Variants in PCSK4 observed in about 807,000 individuals in gnomAD.
PCSK4 encodes the protein testicular tissue protein Li 135.
PCSK4 carries 64 observed loss-of-function variants against 80.3 expected under a neutral mutation model. That is an observed-to-expected ratio of 0.80 (90% CI 0.65 to 0.98). The LOEUF (loss-of-function observed/expected upper bound fraction) is 0.98, where lower values mean the gene tolerates loss of function less well. PCSK4 is among the 50% of genes least tolerant of loss of function. PCSK4 has a pLI of 0.00. For missense variants in PCSK4, 1,213 were observed against 1,093.6 expected (o/e 1.11, Z -1.54); for synonymous variants, 561 against 487.6 (o/e 1.15, Z -1.98).
chr19:1,482,449 G>A (rs1387123422), exon 14 of PCSK4: 2 of 1,607,144 alleles, frequency 1.2e-6, no homozygotes, highest in Non-Finnish European at 1.7e-6. Context: ...GTCCCATAGA[G>A]CAGCAGCGTG....
exon 2 of PCSK4, chr19:1,489,861 G>A (rs750457797): frequency 1.9e-6 from 3 of 1,610,046 alleles, no homozygotes; most frequent in Non-Finnish European, 2.5e-6. Context: ...ACCACGCCCC[G>A]GTGCCGCAGG....
intron 14 of PCSK4, 64 bp from the exon 15 acceptor site, chr19:1,482,271 C>T (rs993751981): frequency 1.1e-4 from 164 of 1,527,582 alleles, no homozygotes; most frequent in Middle Eastern, 2.3e-4. Context: ...ACTCGCCACC[C>T]GCCCGCCTGG....
At chr19:1,486,288 T>TATTG (rs537336632) in intron 8 of PCSK4, among the ~76,000 whole-genome samples, 95 of 149,766 alleles carry the variant, frequency 6.3e-4, no homozygotes, top group Non-Finnish European at 1.0e-3. Flanking sequence ...GGATTTGGGT[T>TATTG]ATTGATTGAT....
In PCSK4 at chr19:1,482,800, C is replaced by T; in HGVS notation, c.1696+96G>A. The T allele has an allele frequency of 3.0e-6, 4 of 1,344,776 alleles. No homozygotes were observed. In the South Asian group the frequency reaches 3.7e-5, roughly 12 times the overall value. The allele number at this position is 1,344,776 out of a possible 1,614,324, so 83.3% of individuals were successfully genotyped here. A position where few individuals can be genotyped will look rare whatever the true frequency, so the allele number is the denominator to read the frequency against. Reference sequence around the variant, plus strand: ...TCTCTTGGAGAAGGCCACTGGGAACCCCTTTTGCAGTGCGGTCACCAAGGC... The same window carrying T: ...TCTCTTGGAGAAGGCCACTGGGAACTCCTTTTGCAGTGCGGTCACCAAGGC... On this transcript the variant is annotated intron_variant, in intron 13 of 14. Coordinates refer to ENST00000300954, the Ensembl canonical transcript of PCSK4.
At position 1,482,078 on chromosome 19, in the gene PCSK4, G is replaced by A. The variant is rs1267844000; in HGVS notation, c.1949C>T (p.Ser650Phe). The change falls in exon 15 of 15, where the codon TCC (serine) becomes TTC (phenylalanine). Residue 650 changes from serine to phenylalanine, a missense_variant. Coordinates refer to ENST00000300954, the Ensembl canonical transcript of PCSK4. ...GGTGTAGCAGGAGGCATGGCAGCTGGAGCAGACCCTCAGCGCGGGCGCCGC... is the reference window on the plus strand; with the variant it reads ...GGTGTAGCAGGAGGCATGGCAGCTGAAGCAGACCCTCAGCGCGGGCGCCGC... 1.7e-5 allele frequency: 26 copies of A among 1,553,582 alleles called. No individual in the cohort carries two copies. Among genetic ancestry groups the A allele is most frequent in the Non-Finnish European group, 2.0e-5 (23 of 1,153,056 alleles).
intron 13 of PCSK4, 180 bp downstream of exon 13, chr19:1,482,716 C>T (rs1599197797): frequency 2.6e-6 from 2 of 761,048 alleles, no homozygotes; most frequent in Non-Finnish European, 4.2e-6. Flanking sequence ...CGCACACCTA[C>T]TGTGTGCCTG....
At chr19:1,482,155 G>T in exon 15 of PCSK4, 1 of 1,559,510 alleles carries the variant, frequency 6.4e-7, no homozygotes, top group East Asian at 2.4e-5. Flanking sequence ...AGAACCGCGG[G>T]GGGCAGTAGG....
At chr19:1,488,077 G>A in exon 4 of PCSK4, 1 of 1,613,186 alleles carries the variant, frequency 6.2e-7, no homozygotes, top group Non-Finnish European at 8.5e-7. Context: ...CTCAGGTCTG[G>A]TTGGGCCTCG....
At position 1,488,011 on chromosome 19, in the gene PCSK4, GCA is replaced by G; in HGVS notation, c.467_468del (p.Val156AlafsTer23). On this transcript the variant is annotated frameshift_variant, in exon 4 of 15. Transcript: ENST00000300954. LOFTEE classifies it high-confidence loss of function. The stretch of plus-strand genomic sequence containing the variant: ...TGGTCCTTCTCGATGCCATCGTCCA[GCA>G]CAGAGACCACGATGCCCTGGCCTGA... 6.2e-7 allele frequency: 1 copy of G among 1,613,512 alleles called. No homozygotes were observed. Among genetic ancestry groups the G allele is most frequent in the South Asian group, 1.1e-5 (1 of 91,082 alleles).
At chr19:1,488,851 G>A (rs2084784111) in intron 2 of PCSK4, among the ~76,000 whole-genome samples, 1 of 152,200 alleles carries the variant, frequency 6.6e-6, no homozygotes, top group South Asian at 2.1e-4. Flanking sequence ...GAAGTGCCGG[G>A]ATTACAGGCA....
chr19:1,483,867 TCCTCGGCCTGCAGGTGCG>T, exon 10 of PCSK4: 1 of 1,497,498 alleles, frequency 6.7e-7, no homozygotes, highest in Non-Finnish European at 8.8e-7. Context: ...GGTCCTCCAG[TCCTCGGCCTGCAGGTGCG>T]CCGGCTTGGA....
Position 1,484,140 on chromosome 19 carries a change from G to C in PCSK4, c.1069-13C>G, listed in dbSNP as rs769572700. The C allele has an allele frequency of 4.7e-6, 7 of 1,500,972 alleles. No homozygotes were observed. Among genetic ancestry groups the C allele is most frequent in the Admixed American group, 1.9e-5 (1 of 51,440 alleles). The allele number at this position is 1,500,972 out of a possible 1,614,324, so 93.0% of individuals were successfully genotyped here. A position where few individuals can be genotyped will look rare whatever the true frequency, so the allele number is the denominator to read the frequency against. ...GGTCCGTGGTGACCTGAGGGCAGAG[G>C]GGGGTGGGACTCGGGGGGCCGTGCA... On this transcript the variant is annotated splice_polypyrimidine_tract_variant and intron_variant, in intron 8 of 14. Transcript: ENST00000300954.
exon 3 of PCSK4, chr19:1,488,280 C>T (rs1339998932): frequency 1.2e-6 from 2 of 1,612,050 alleles, no homozygotes; most frequent in Non-Finnish European, 1.7e-6. Context: ...AACCACTGCA[C>T]CTGCAGAGCA....
rs1430003772 is a variant in PCSK4, at chr19:1,482,712, CCTA to C, written c.1696+181_1696+183del. ...CCTACATCTCCCGTGTTACCGCACA[CCTA>C]CTGTGTGCCTGTCATTGCACACCAT... On this transcript the variant is annotated intron_variant, in intron 13 of 14. Transcript: ENST00000300954. 43 of 765,070 alleles carry C rather than the reference CCTA, an allele frequency of 5.6e-5. No homozygotes were observed. The East Asian group carries it at 7.8e-4, about 14-fold the overall frequency. 47.4% of individuals were successfully genotyped at this position (765,070 alleles called of 1,614,324 possible).
chr19:1,483,576 TG>T, intron 11 of PCSK4, 73 bp downstream of exon 11: 1 of 1,426,280 alleles, frequency 7.0e-7, no homozygotes, highest in Non-Finnish European at 9.5e-7. Flanking sequence ...GTTTTACAGA[TG>T]GGTAAACTGA....
exon 13 of PCSK4, chr19:1,482,920 T>G (rs370461865): frequency 6.2e-7 from 1 of 1,613,578 alleles, no homozygotes; most frequent in Non-Finnish European, 8.5e-7. Context: ...TAGCCCTTGT[T>G]CTCTAGGCCC....
exon 15 of PCSK4, chr19:1,481,606 G>A (rs994340424): frequency 4.1e-5 from 21 of 508,140 alleles, no homozygotes; most frequent in African/African-American, 3.1e-4. Context: ...TCTCTCTCCC[G>A]CCAGGCTTCG....
exon 6 of PCSK4, chr19:1,487,628 C>T: frequency 6.4e-7 from 1 of 1,553,546 alleles, no homozygotes; most frequent in Non-Finnish European, 8.7e-7. Flanking sequence ...TGAAAGCGAC[C>T]CCCACACCAC....
chr19:1,484,120 G>A (rs1375724428), exon 9 of PCSK4: 3 of 1,555,054 alleles, frequency 1.9e-6, no homozygotes, highest in Non-Finnish European at 2.6e-6. Flanking sequence ...ATGCAGGTCC[G>A]TGGTGACCTG....
Sources: allele counts gnomAD v4.1 joint callset (sites outside exome capture counted in the v4.1 genomes callset), GRCh38; gene constraint gnomAD v4.1.1; transcripts MANE v1.5; gene names NCBI Gene and HGNC (gene_info 2026-07-23, HGNC 2026-07-21).